DDX21: variants seen among roughly 807,000 people sequenced by gnomAD.
The protein encoded by DDX21 is DExD-box helicase 21, also known as nucleolar RNA helicase 2.
A neutral mutation model predicts 90.0 loss-of-function variants in DDX21; 18 were observed. The observed-to-expected ratio is 0.20, with a 90% confidence interval of 0.14 to 0.30. The LOEUF (loss-of-function observed/expected upper bound fraction) is 0.30. Ranked by LOEUF, DDX21 falls within the 10% of genes least tolerant of loss-of-function variation. DDX21 has a pLI of 1.00. For missense variants in DDX21, 673 were observed against 944.5 expected (o/e 0.71, Z 3.77); for synonymous variants, 294 against 318.0 (o/e 0.92, Z 0.80).
chr10:68,958,555 G>A (rs145161117), intron 1 of DDX21, among the ~76,000 whole-genome samples: 3,873 of 152,112 alleles, frequency 0.025, 72 homozygotes, highest in Non-Finnish European at 0.032. Context: ...TCCTGCCTCA[G>A]CCTCCCGAGT....
intron 3 of DDX21, among the ~76,000 whole-genome samples, chr10:68,962,769 C>G (rs1426281764): frequency 6.6e-6 from 1 of 152,078 alleles, no homozygotes; most frequent in South Asian, 2.1e-4. Context: ...AGGCATAAAC[C>G]CAGAATTCAT....
chr10:68,971,679 C>T (rs770318127), intron 8 of DDX21, among the ~76,000 whole-genome samples: 1 of 152,194 alleles, frequency 6.6e-6, no homozygotes, highest in Non-Finnish European at 1.5e-5. Flanking sequence ...TTCTCAACTT[C>T]AATAAGTAAA....
Position 68,979,437 on chromosome 10 carries a change from G to A in DDX21, c.2037+461G>A, listed in dbSNP as rs530898332. 2.4e-4 allele frequency among the ~76,000 whole-genome samples: 36 copies of A among 152,230 alleles called. 1 individual carries two copies. In the South Asian group the frequency reaches 3.9e-3, roughly 17 times the overall value. The stretch of plus-strand genomic sequence containing the variant: ...TGGTTTCACAATCCCTTTAGCAAAT[G>A]TTAGGGACCCCCAAAAGCTTTTGTT... On this transcript the variant is annotated intron_variant, in intron 13 of 14. Transcript: ENST00000354185.
chr10:68,973,712 C>A, intron 10 of DDX21, 48 bp downstream of exon 10: 1 of 1,583,320 alleles, frequency 6.3e-7, no homozygotes, highest in South Asian at 1.2e-5. Context: ...GTTCTAAAGT[C>A]AGTCTTTGGT....
intron 1 of DDX21, among the ~76,000 whole-genome samples, chr10:68,957,586 G>C (rs1467465955): frequency 3.9e-5 from 6 of 152,186 alleles, no homozygotes; most frequent in Admixed American, 1.3e-4. Context: ...CGTGGTCCTG[G>C]TTTACATTGC....
At chr10:68,959,631 A>C (rs1842846697) in intron 1 of DDX21, among the ~76,000 whole-genome samples, 175 bp from the exon 2 acceptor site, 2 of 152,232 alleles carry the variant, frequency 1.3e-5, no homozygotes, top group Non-Finnish European at 2.9e-5. Flanking sequence ...TTTTAGAAAA[A>C]GCTTACTATT....
At chr10:68,957,025 G>C (rs1842807525) in intron 1 of DDX21, among the ~76,000 whole-genome samples, 1 of 147,946 alleles carries the variant, frequency 6.8e-6, no homozygotes, top group African/African-American at 2.5e-5. Flanking sequence ...CTGGGCAACA[G>C]AGCGAAACTC....
At chr10:68,962,180 A>G (rs1319077949) in intron 3 of DDX21, 23 bp downstream of exon 3, 4 of 1,529,516 alleles carry the variant, frequency 2.6e-6, no homozygotes, top group South Asian at 1.1e-5. Context: ...GAAATATCGT[A>G]TGATGTTAGA....
chr10:68,957,756 T>C (rs1412289123), intron 1 of DDX21, among the ~76,000 whole-genome samples: 1 of 131,742 alleles, frequency 7.6e-6, no homozygotes, highest in Non-Finnish European at 1.7e-5. Flanking sequence ...TAGCTTGTTT[T>C]TTGTTGGCTA....
chr10:68,966,068 G>A (rs4745971), intron 5 of DDX21, among the ~76,000 whole-genome samples: 87,317 of 150,842 alleles, frequency 0.58, 26,346 homozygotes, highest in East Asian at 0.89. Flanking sequence ...AGGCTGAGGC[G>A]GGCAGATCAC....
intron 10 of DDX21, 118 bp from the exon 11 acceptor site, chr10:68,974,552 G>T: frequency 1.3e-6 from 1 of 752,412 alleles, no homozygotes; most frequent in Non-Finnish European, 2.2e-6. Flanking sequence ...AAAATTAAAA[G>T]TTCATTTTTT....
At chr10:68,977,462 A>AGAT (rs1434703990) in intron 11 of DDX21, 67 bp from the exon 12 acceptor site, 4 of 1,414,556 alleles carry the variant, frequency 2.8e-6, no homozygotes, top group African/African-American at 2.9e-5. Flanking sequence ...ATTTATCTTG[A>AGAT]GATGTCTTAG....
Position 68,956,215 on chromosome 10 carries a change from C to G in DDX21, c.-11C>G, listed in dbSNP as rs1213725078. 1 of 1,613,648 alleles carries G rather than the reference C, an allele frequency of 6.2e-7. No individual in the cohort carries two copies. The highest frequency in any genetic ancestry group is 1.3e-5 in the African/African-American group (1 of 74,916). ...GAGAAGACCGGTCGGCCTGGGCAAC[C>G]TGCGCTGAAGATGCCGGGAAAACTC... On this transcript the variant is annotated 5_prime_UTR_variant, in exon 1 of 15. Coordinates refer to ENST00000354185, the MANE Select transcript of DDX21 (RefSeq NM_004728.4).
intron 6 of DDX21, among the ~76,000 whole-genome samples, 179 bp downstream of exon 6, chr10:68,967,382 T>G (rs984162404): frequency 1.3e-4 from 19 of 151,964 alleles, no homozygotes; most frequent in Non-Finnish European, 2.2e-4. Flanking sequence ...TTGCCCAGGC[T>G]GGTCTCAAAC....
At chr10:68,958,389 C>T (rs574329658) in intron 1 of DDX21, among the ~76,000 whole-genome samples, 35 of 152,198 alleles carry the variant, frequency 2.3e-4, no homozygotes, top group African/African-American at 8.2e-4. Context: ...CCACCTCAGC[C>T]TCCTAAGTAG....
intron 11 of DDX21, among the ~76,000 whole-genome samples, chr10:68,975,977 A>G (rs1843093937): frequency 6.7e-6 from 1 of 148,932 alleles, no homozygotes; most frequent in African/African-American, 2.5e-5. Flanking sequence ...TGAACCCGAG[A>G]GGTGGAGGTT....
chr10:68,966,189 G>A (rs932176944), intron 5 of DDX21, among the ~76,000 whole-genome samples: 10 of 151,624 alleles, frequency 6.6e-5, no homozygotes, highest in African/African-American at 1.9e-4. Context: ...CCAGCTACTC[G>A]GGAGGCTGAG....
At position 68,956,212 on chromosome 10, in the gene DDX21, A is replaced by G. The variant is rs754672925; in HGVS notation, c.-14A>G. 1.4e-5 allele frequency: 23 copies of G among 1,613,772 alleles called. No individual in the cohort carries two copies. Among genetic ancestry groups the G allele is most frequent in the Non-Finnish European group, 1.9e-5 (23 of 1,179,904 alleles). On this transcript the variant is annotated 5_prime_UTR_variant, in exon 1 of 15. Transcript: ENST00000354185. ...GTTGAGAAGACCGGTCGGCCTGGGCAACCTGCGCTGAAGATGCCGGGAAAA... is the reference window on the plus strand; with the variant it reads ...GTTGAGAAGACCGGTCGGCCTGGGCGACCTGCGCTGAAGATGCCGGGAAAA...
In DDX21 at chr10:68,970,258, C is replaced by G; in HGVS notation, c.1294C>G (p.Arg432Gly). Residue 432 changes from arginine (R) to glycine (G), a missense_variant, in exon 8 of 15, where the codon CGA (arginine) becomes GGA (glycine). Physicochemically the swap from Arg to Gly is moderately radical, Grantham distance 125. Coordinates refer to ENST00000354185, the MANE Select transcript of DDX21 (RefSeq NM_004728.4). ...QRAAVIGDVI[R>G]VYSGHQGRTI... ...GGCAGCAGTTATTGGGGATGTCATC[C>G]GAGTATATAGTGGTCATCAAGGACG... The G allele has an allele frequency of 6.2e-7, 1 of 1,613,670 alleles. No homozygotes were observed. The highest frequency in any genetic ancestry group is 8.5e-7 in the Non-Finnish European group (1 of 1,179,782).
Sources: allele counts gnomAD v4.1 joint callset (sites outside exome capture counted in the v4.1 genomes callset), GRCh38; gene constraint gnomAD v4.1.1; transcripts MANE v1.5; gene names NCBI Gene and HGNC (gene_info 2026-07-23, HGNC 2026-07-21).